Variants in NBEAL1 observed in about 807,000 individuals in gnomAD.
NBEAL1 encodes neurobeachin like 1.
Under a neutral mutation model 351.3 loss-of-function variants are expected in NBEAL1, and 273 were observed. The ratio of observed to expected loss-of-function variants is 0.78; its 90% CI spans 0.70 to 0.86. NBEAL1 has a LOEUF of 0.86. Ranked by LOEUF, NBEAL1 falls within the 40% of genes least tolerant of loss-of-function variation. NBEAL1 has a pLI of 0.00. For synonymous variants in NBEAL1, 1,050 were observed against 1,086.4 expected, an observed-to-expected ratio of 0.97 and a Z score of 0.66; for missense variants, 2,961 against 3,201.3, an observed-to-expected ratio of 0.92 and a Z score of 1.81.
intron 2 of NBEAL1, among the ~76,000 whole-genome samples, chr2:203,041,325 G>A (rs2061137197): frequency 6.6e-6 from 1 of 152,156 alleles, no homozygotes; most frequent in Non-Finnish European, 1.5e-5. Context: ...AAGAAGAAAG[G>A]CACATAAATA....
intron 2 of NBEAL1, among the ~76,000 whole-genome samples, chr2:203,041,192 A>G (rs1331633243): frequency 6.6e-6 from 1 of 152,198 alleles, no homozygotes; most frequent in Non-Finnish European, 1.5e-5. Flanking sequence ...TTGTTGGTAA[A>G]TGAGTAACTC....
At position 203,135,859 on chromosome 2, in the gene NBEAL1, C is replaced by G; in HGVS notation, c.3996C>G (p.Thr1332=). The G allele has an allele frequency of 6.2e-7, 1 of 1,613,894 alleles. No homozygotes were observed. Among genetic ancestry groups the G allele is most frequent in the Non-Finnish European group, 8.5e-7 (1 of 1,179,936 alleles). ...DNDKNMSTED[T]KKNSDEKTDE... is the part of the protein sequence containing the mutation. ...ATAAAAATATGTCAACTGAAGATAC[C>G]AAGAAGAACTCTGATGAAAAAACAG... Residue 1332 remains threonine (T), a synonymous_variant, in exon 28 of 56, where the codon ACC becomes ACG. Coordinates refer to ENST00000683969, the MANE Select transcript of NBEAL1 (RefSeq NM_001378026.1).
chr2:203,054,471 G>A lies in NBEAL1; in HGVS notation c.306-1956G>A, dbSNP rs527314533. Among the ~76,000 whole-genome samples, 8 of 151,202 alleles carry A rather than the reference G, an allele frequency of 5.3e-5. No individual in the cohort carries two copies. In the East Asian group the frequency reaches 5.8e-4, roughly 11 times the overall value. On this transcript the variant is annotated intron_variant, in intron 4 of 55. Coordinates refer to ENST00000683969, the MANE Select transcript of NBEAL1 (RefSeq NM_001378026.1). Reference sequence around the variant, plus strand: ...TTTTTTCAAATTATTGTCTTGCTACGTTGCCCAGGCTAAGTCTCGAATTCC... The same window carrying A: ...TTTTTTCAAATTATTGTCTTGCTACATTGCCCAGGCTAAGTCTCGAATTCC...
intron 18 of NBEAL1, 63 bp downstream of exon 18, chr2:203,116,133 T>C: frequency 9.2e-7 from 1 of 1,091,040 alleles, no homozygotes; most frequent in South Asian, 1.4e-5. Context: ...CAGTTCCTTT[T>C]CTATTCCTTT....
At chr2:203,182,953 A>G (rs2064776107) in intron 43 of NBEAL1, 2 of 166,050 alleles carry the variant, frequency 1.2e-5, no homozygotes, top group South Asian at 1.8e-4. Context: ...GTATTTTACT[A>G]TTAGAGGGAC....
rs559774304 is a variant in NBEAL1, at chr2:203,118,926, T to G, written c.2592+2856T>G. On this transcript the variant is annotated intron_variant, in intron 18 of 55. Transcript: ENST00000683969. ...TTGACATTATGGTCATCGTATTCTT[T>G]TTACAAAGTAACTTTGAATTTGTTA... Among the ~76,000 whole-genome samples the G allele has an allele frequency of 3.5e-3, 525 of 152,064 alleles. 3 individuals carry two copies. Among genetic ancestry groups the G allele is most frequent in the African/African-American group, 0.012 (493 of 41,534 alleles).
At chr2:203,018,103 G>A (rs1182377922) in intron 2 of NBEAL1, among the ~76,000 whole-genome samples, 2 of 152,024 alleles carry the variant, frequency 1.3e-5, no homozygotes, top group African/African-American at 4.8e-5. Context: ...CTTGAATCAG[G>A]TAGCTACCAA....
intron 36 of NBEAL1, among the ~76,000 whole-genome samples, chr2:203,163,571 A>G (rs577240637): frequency 6.6e-5 from 10 of 152,128 alleles, no homozygotes; most frequent in African/African-American, 1.4e-4. Flanking sequence ...TTCCCAATCA[A>G]TCCTTCCTCC....
At chr2:203,059,745 G>A (rs573098579) in intron 6 of NBEAL1, among the ~76,000 whole-genome samples, 1 of 152,336 alleles carries the variant, frequency 6.6e-6, no homozygotes, top group South Asian at 2.1e-4. Flanking sequence ...GGAGCCGGAT[G>A]TGATGGCTCA....
chr2:203,198,452 G>A (rs1170236729), intron 48 of NBEAL1, among the ~76,000 whole-genome samples: 1 of 152,002 alleles, frequency 6.6e-6, no homozygotes, highest in African/African-American at 2.4e-5. Flanking sequence ...TCTGGTTTAT[G>A]TTCTAAATGA....
intron 10 of NBEAL1, among the ~76,000 whole-genome samples, chr2:203,092,321 T>A (rs1574957009): frequency 6.6e-6 from 1 of 151,428 alleles, no homozygotes; most frequent in African/African-American, 2.4e-5. Context: ...TTTGGGAAGC[T>A]GAGGCAGGTG....
Position 203,113,194 on chromosome 2 carries a change from G to A in NBEAL1, c.2382G>A (p.Leu794=), listed in dbSNP as rs1234357285. The part of the protein sequence containing the change: ...TIEKSKLITK[L]ISAGTQDSEW... ...AAAAATCAAAATTGATTACCAAATT[G>A]ATATCAGCTGGAACCCAAGACAGTG... The change falls in exon 17 of 56, where the codon TTG becomes TTA. Residue 794 remains leucine, a synonymous_variant. Transcript: ENST00000683969. The A allele has an allele frequency of 3.2e-6, 5 of 1,550,980 alleles. No homozygotes were observed. Among genetic ancestry groups the A allele is most frequent in the Middle Eastern group, 1.7e-4 (1 of 5,988 alleles).
intron 12 of NBEAL1, 103 bp from the exon 13 acceptor site, chr2:203,107,317 A>G: frequency 1.9e-6 from 1 of 540,068 alleles, no homozygotes; most frequent in Non-Finnish European, 3.2e-6. Context: ...TTTATTTAAT[A>G]TTAAGTTAAT....
intron 49 of NBEAL1, among the ~76,000 whole-genome samples, chr2:203,201,243 C>T (rs1212822928): frequency 6.6e-6 from 1 of 152,212 alleles, no homozygotes; most frequent in Admixed American, 6.5e-5. Context: ...CTGTCATTTA[C>T]AAAATTGCCA....
In NBEAL1 at chr2:203,188,474, G is replaced by T; in HGVS notation, c.6708G>T (p.Glu2236Asp). ...DFIYKHRKALESEYVSAHLHE... is the reference protein window; with the variant it reads ...DFIYKHRKALDSEYVSAHLHE... ...TATTAAATTTATTCTTTTTCTAGGA[G>T]TCTGAATATGTTTCAGCTCATCTTC... The change falls in exon 45 of 56, where the codon GAG becomes GAT. Residue 2236 changes from glutamate (E) to aspartate (D), a missense_variant and splice_region_variant. Transcript: ENST00000683969. The T allele has an allele frequency of 6.6e-7, 1 of 1,518,978 alleles. No individual in the cohort carries two copies. Among genetic ancestry groups the T allele is most frequent in the Non-Finnish European group, 8.9e-7 (1 of 1,125,932 alleles). The allele number at this position is 1,518,978 out of a possible 1,614,324, so 94.1% of individuals were successfully genotyped here.
intron 41 of NBEAL1, among the ~76,000 whole-genome samples, chr2:203,173,307 G>T (rs1002654026): frequency 2.0e-5 from 3 of 152,050 alleles, no homozygotes; most frequent in African/African-American, 4.8e-5. Flanking sequence ...ATGTCATTTT[G>T]ATAAGAAGAA....
intron 14 of NBEAL1, among the ~76,000 whole-genome samples, chr2:203,109,658 T>G (rs2062517397): frequency 6.6e-6 from 1 of 152,132 alleles, no homozygotes. Context: ...TAGCTGGGAC[T>G]ACAGGCGCCC....
intron 46 of NBEAL1, among the ~76,000 whole-genome samples, chr2:203,193,194 A>G (rs1337608126): frequency 6.6e-6 from 1 of 151,496 alleles, no homozygotes; most frequent in Non-Finnish European, 1.5e-5. Flanking sequence ...ATGGTCTTGA[A>G]CTTCTGACCT....
chr2:203,132,270 T>C (rs1206489268), intron 26 of NBEAL1, 138 bp downstream of exon 26: 1 of 606,082 alleles, frequency 1.6e-6, no homozygotes, highest in African/African-American at 1.9e-5. Flanking sequence ...ATATCTTACG[T>C]AGTTTTGTTG....
Sources: allele counts gnomAD v4.1 joint callset (sites outside exome capture counted in the v4.1 genomes callset), GRCh38; gene constraint gnomAD v4.1.1; transcripts MANE v1.5; gene names NCBI Gene and HGNC (gene_info 2026-07-23, HGNC 2026-07-21).